Variants in PRKG2 observed in about 807,000 individuals in gnomAD.
PRKG2 encodes the protein protein kinase cGMP-dependent 2, also known as cGMP-dependent protein kinase 2.
A neutral mutation model predicts 97.2 loss-of-function variants in PRKG2; 33 were observed. That is an observed-to-expected ratio of 0.34 (90% confidence interval 0.26 to 0.45). PRKG2 has a LOEUF of 0.45. PRKG2 is among the 20% of genes least tolerant of loss of function. The pLI, the probability that PRKG2 is intolerant of heterozygous loss-of-function variation, is 1.00. For synonymous variants in PRKG2, 330 were observed against 321.8 expected (o/e 1.03, Z -0.27); for missense variants, 638 against 900.0 (o/e 0.71, Z 3.73).
rs1240056510 is a variant in PRKG2, at chr4:81,204,852, C to T, written c.196G>A (p.Ala66Thr). The change falls in exon 2 of 19, where the codon GCT becomes ACT. Residue 66 changes from alanine to threonine, a missense_variant. Physicochemically the swap from Ala to Thr is moderately conservative, Grantham distance 58. Coordinates refer to ENST00000264399, the MANE Select transcript of PRKG2 (RefSeq NM_006259.3). The part of the protein sequence containing the change: ...EQLSKQTVAI[A>T]ELTEELQNKC... Reference sequence around the variant, plus strand: ...TTCTGGAGCTCCTCTGTGAGTTCAGCAATGGCCACAGTCTGCTTCGACAGC... The same window carrying T: ...TTCTGGAGCTCCTCTGTGAGTTCAGTAATGGCCACAGTCTGCTTCGACAGC... 5 of 1,614,084 alleles carry T rather than the reference C, an allele frequency of 3.1e-6. No homozygotes were observed. The African/African-American group carries it at 5.3e-5, about 17-fold the overall frequency.
chr4:81,176,008 T>C (rs185317577), intron 2 of PRKG2: 1 of 152,262 alleles, frequency 6.6e-6, no homozygotes, highest in African/African-American at 2.4e-5. Flanking sequence ...CTGGTGATCT[T>C]TTTCTACACA....
At chr4:81,197,118 G>A (rs943246075) in intron 2 of PRKG2, among the ~76,000 whole-genome samples, 1 of 152,162 alleles carries the variant, frequency 6.6e-6, no homozygotes, top group African/African-American at 2.4e-5. Flanking sequence ...CTCACTAGGA[G>A]GCAAAGGCCA....
At chr4:81,138,945 T>C (rs1335772930) in intron 12 of PRKG2, among the ~76,000 whole-genome samples, 3 of 152,168 alleles carry the variant, frequency 2.0e-5, no homozygotes, top group Admixed American at 6.5e-5. Context: ...TCTGGAAAGA[T>C]GGATAGGGAG....
chr4:81,204,559 G>A, intron 2 of PRKG2, 28 bp downstream of exon 2: 1 of 1,578,774 alleles, frequency 6.3e-7, no homozygotes, highest in South Asian at 1.1e-5. Flanking sequence ...AAGCCCATCT[G>A]AGTTTAAAGG....
At chr4:81,172,691 T>C (rs1470041343) in intron 3 of PRKG2, among the ~76,000 whole-genome samples, 2 of 152,086 alleles carry the variant, frequency 1.3e-5, no homozygotes, top group Non-Finnish European at 2.9e-5. Context: ...TCTAAGTTCT[T>C]AGAGGAAAAA....
At chr4:81,178,125 G>A (rs1199125692) in intron 2 of PRKG2, among the ~76,000 whole-genome samples, 1 of 145,698 alleles carries the variant, frequency 6.9e-6, no homozygotes, top group Non-Finnish European at 1.5e-5. Flanking sequence ...ACACCTGAAG[G>A]GCTGCAGCCT....
chr4:81,174,258 T>C (rs1435417479), intron 3 of PRKG2, among the ~76,000 whole-genome samples: 3 of 152,106 alleles, frequency 2.0e-5, no homozygotes, highest in Non-Finnish European at 1.5e-5. Context: ...TCTTTTTAAA[T>C]CATTGGTATA....
At chr4:81,162,295 C>A (rs1417130561) in intron 6 of PRKG2, among the ~76,000 whole-genome samples, 1 of 152,072 alleles carries the variant, frequency 6.6e-6, no homozygotes, top group Admixed American at 6.6e-5. Context: ...ATATGATTGT[C>A]CAGGTAAGTT....
chr4:81,131,563 G>A (rs1017285585), intron 14 of PRKG2, among the ~76,000 whole-genome samples: 1 of 152,140 alleles, frequency 6.6e-6, no homozygotes, highest in South Asian at 2.1e-4. Flanking sequence ...GCAAATATTT[G>A]TATTCTAAGA....
At chr4:81,132,558 G>C (rs779887167) in intron 14 of PRKG2, among the ~76,000 whole-genome samples, 29 of 152,108 alleles carry the variant, frequency 1.9e-4, no homozygotes, top group Non-Finnish European at 3.7e-4. Context: ...GTCCTGAAGT[G>C]AACAGCTGTA....
chr4:81,189,433 A>T (rs1201068594), intron 2 of PRKG2, among the ~76,000 whole-genome samples: 2 of 137,228 alleles, frequency 1.5e-5, no homozygotes, highest in Non-Finnish European at 3.0e-5. Context: ...ATGCAGCCAT[A>T]AAAAATGATG....
chr4:81,156,268 G>A (rs1034950819), intron 6 of PRKG2, among the ~76,000 whole-genome samples: 222 of 152,154 alleles, frequency 1.5e-3, no homozygotes, highest in African/African-American at 5.3e-3. Context: ...AAAAAAGGCA[G>A]GGGTTGCAAT....
chr4:81,145,206 T>A (rs1349806121), intron 9 of PRKG2, among the ~76,000 whole-genome samples: 8 of 152,142 alleles, frequency 5.3e-5, no homozygotes, highest in African/African-American at 1.9e-4. Flanking sequence ...ATGGCTGAAC[T>A]AGTTTACAGT....
chr4:81,163,045 A>G (rs921421473), intron 6 of PRKG2, among the ~76,000 whole-genome samples: 1 of 152,148 alleles, frequency 6.6e-6, no homozygotes, highest in Non-Finnish European at 1.5e-5. Flanking sequence ...GGGGATACTG[A>G]GGAAGACCTT....
intron 17 of PRKG2, among the ~76,000 whole-genome samples, chr4:81,099,719 C>T (rs968306836): frequency 6.6e-6 from 1 of 151,772 alleles, no homozygotes; most frequent in Admixed American, 6.6e-5. Context: ...CCAGGGCAAT[C>T]AGGCAGGAGA....
chr4:81,169,522 A>G (rs1334355336), intron 5 of PRKG2, 141 bp downstream of exon 5: 1 of 646,806 alleles, frequency 1.5e-6, no homozygotes, highest in Non-Finnish European at 2.7e-6. Context: ...CATTTACTGC[A>G]AGCAATGTTC....
At chr4:81,163,492 C>T (rs1197064719) in intron 6 of PRKG2, among the ~76,000 whole-genome samples, 1 of 152,124 alleles carries the variant, frequency 6.6e-6, no homozygotes, top group Non-Finnish European at 1.5e-5. Flanking sequence ...AGCAGGTACA[C>T]ATATTTATAC....
intron 18 of PRKG2, 31 bp from the exon 19 acceptor site, chr4:81,089,834 G>A: frequency 2.0e-6 from 3 of 1,524,224 alleles, no homozygotes; most frequent in Non-Finnish European, 2.7e-6. Flanking sequence ...ACAAAAGGAA[G>A]AATAATGTTG....
At chr4:81,202,841 A>G (rs1487219834) in intron 2 of PRKG2, among the ~76,000 whole-genome samples, 1 of 152,138 alleles carries the variant, frequency 6.6e-6, no homozygotes, top group Non-Finnish European at 1.5e-5. Flanking sequence ...TTTTGCCTCA[A>G]GATGAGCATA....
Sources: gnomAD v4.1 joint callset for allele counts (sites outside exome capture counted in the v4.1 genomes callset) on GRCh38, gnomAD v4.1.1 for gene constraint, MANE v1.5 for transcripts, NCBI Gene and HGNC (gene_info 2026-07-23, HGNC 2026-07-21) for gene names.